FAM163B: variants seen among roughly 807,000 people sequenced by gnomAD.
FAM163B encodes the protein family with sequence similarity 163 member B.
Under a neutral mutation model 7.6 loss-of-function variants are expected in FAM163B, and 4 were observed. The ratio of observed to expected loss-of-function variants is 0.52; its 90% CI spans 0.26 to 1.20. The LOEUF (loss-of-function observed/expected upper bound fraction) is 1.20. FAM163B is among the 50% of genes most tolerant of loss of function. The pLI, the probability that FAM163B is intolerant of heterozygous loss-of-function variation, is 0.14. For synonymous variants in FAM163B, 120 were observed against 111.6 expected, an observed-to-expected ratio of 1.07 and a Z score of -0.47; for missense variants, 250 against 243.0, an observed-to-expected ratio of 1.03 and a Z score of -0.19.
At chr9:133,585,326 C>A (rs1831418663) in intron 1 of FAM163B, among the ~76,000 whole-genome samples, 1 of 152,244 alleles carries the variant, frequency 6.6e-6, no homozygotes, top group African/African-American at 2.4e-5. Context: ...GCAGGAGACC[C>A]CCTGCTAACC....
intron 1 of FAM163B, among the ~76,000 whole-genome samples, chr9:133,607,148 T>G (rs1476796058): frequency 1.3e-5 from 2 of 152,074 alleles, no homozygotes; most frequent in African/African-American, 4.8e-5. Context: ...TCCTACTCCA[T>G]CCGGGGCTTA....
chr9:133,579,461 G>A lies in FAM163B; in HGVS notation c.94-32C>T, dbSNP rs768318905. ...GCAGAGGGACGGTGACCATGCGGCC[G>A]CCCGCTCCCACCCCAGAACCGACAT... On this transcript the variant is annotated intron_variant, in intron 2 of 2. Coordinates refer to ENST00000673969, the MANE Select transcript of FAM163B (RefSeq NM_001080515.3). 5.3e-4 allele frequency: 817 copies of A among 1,535,158 alleles called. 1 individual carries two copies. The highest frequency in any genetic ancestry group is 6.3e-4 in the Non-Finnish European group (720 of 1,140,292).
intron 1 of FAM163B, among the ~76,000 whole-genome samples, chr9:133,581,638 C>T (rs796546918): frequency 3.0e-4 from 46 of 152,322 alleles, no homozygotes; most frequent in African/African-American, 1.1e-3. Context: ...GCCCCGCACC[C>T]CCATGTTGTT....
chr9:133,582,059 G>A (rs1180579180), intron 1 of FAM163B, among the ~76,000 whole-genome samples: 4 of 152,112 alleles, frequency 2.6e-5, no homozygotes, highest in Non-Finnish European at 5.9e-5. Context: ...CCTAGCATGC[G>A]GCCTGCAGAG....
Position 133,578,245 on chromosome 9 carries a change from G to A in FAM163B, c.*777C>T, listed in dbSNP as rs2131204036. On this transcript the variant is annotated 3_prime_UTR_variant, in exon 3 of 3. Transcript: ENST00000673969. The stretch of plus-strand genomic sequence containing the variant: ...TGGCCCTGTTTCTGGCTGAGCACTG[G>A]GTCTATACATTTCCACGTTGCCTCT... Among the ~76,000 whole-genome samples the A allele has an allele frequency of 6.6e-6, 1 of 152,276 alleles. No homozygotes were observed. Among genetic ancestry groups the A allele is most frequent in the South Asian group, 2.1e-4 (1 of 4,826 alleles).
At chr9:133,588,620 T>G (rs1831480711) in intron 1 of FAM163B, among the ~76,000 whole-genome samples, 18 of 152,096 alleles carry the variant, frequency 1.2e-4, no homozygotes, top group South Asian at 2.1e-4. Context: ...TGCTGAAGGA[T>G]CTAGCATGTT....
intron 1 of FAM163B, among the ~76,000 whole-genome samples, chr9:133,591,755 G>A (rs1831556463): frequency 6.6e-6 from 1 of 152,186 alleles, no homozygotes; most frequent in Non-Finnish European, 1.5e-5. Context: ...CCCAAAGCAG[G>A]TCTGGCCCAG....
chr9:133,577,248 G>A lies in FAM163B; in HGVS notation c.*1774C>T, dbSNP rs762487802. Among the ~76,000 whole-genome samples, 115 of 152,314 alleles carry A rather than the reference G, an allele frequency of 7.6e-4. No individual in the cohort carries two copies. Among genetic ancestry groups the A allele is most frequent in the Non-Finnish European group, 1.3e-3 (91 of 68,016 alleles). On this transcript the variant is annotated 3_prime_UTR_variant, in exon 3 of 3. Coordinates refer to ENST00000673969, the MANE Select transcript of FAM163B (RefSeq NM_001080515.3). ...GAGACCAGAAAGGAATTGGGAAATG[G>A]AATCATGAGGGCTGGGCCCTCATCC...
At chr9:133,583,781 T>G (rs952873938) in intron 1 of FAM163B, among the ~76,000 whole-genome samples, 1 of 152,048 alleles carries the variant, frequency 6.6e-6, no homozygotes. Flanking sequence ...GCAGCCACCC[T>G]CCAACACCCA....
At chr9:133,589,626 G>GCACA (rs142297232) in intron 1 of FAM163B, among the ~76,000 whole-genome samples, 990 of 57,792 alleles carry the variant, frequency 0.017, 18 homozygotes, top group East Asian at 0.072. Context: ...GCGACACAGC[G>GCACA]CGCACACACA....
In FAM163B at chr9:133,579,085, G is replaced by T. The variant is rs774632311; in HGVS notation, c.438C>A (p.Pro146=). 4.4e-6 allele frequency: 7 copies of T among 1,593,770 alleles called. No individual in the cohort carries two copies. The African/African-American group carries it at 6.7e-5, about 15-fold the overall frequency. Reference sequence around the variant, plus strand: ...CCTCCCGCATGGCTGAGAGGCGGTTGGGGTTGAGCGCCTGCAGGCCCCCGA... The same window carrying T: ...CCTCCCGCATGGCTGAGAGGCGGTTTGGGTTGAGCGCCTGCAGGCCCCCGA... The part of the protein sequence containing the change: ...GGFGGLQALN[P]NRLSAMREAF... The change falls in exon 3 of 3, where the codon CCC becomes CCA. Residue 146 remains proline, a synonymous_variant. Coordinates refer to ENST00000673969, the MANE Select transcript of FAM163B (RefSeq NM_001080515.3).
intron 1 of FAM163B, among the ~76,000 whole-genome samples, chr9:133,593,991 CA>C (rs1315905554): frequency 2.6e-5 from 4 of 152,240 alleles, no homozygotes; most frequent in African/African-American, 9.6e-5. Context: ...GAGGAGATGA[CA>C]GGGGTGGACC....
chr9:133,587,404 TC>T (rs1290467805), intron 1 of FAM163B, among the ~76,000 whole-genome samples: 1 of 151,930 alleles, frequency 6.6e-6, no homozygotes, highest in African/African-American at 2.4e-5. Context: ...TAGGTGATTG[TC>T]CCCCCCTGGC....
intron 1 of FAM163B, among the ~76,000 whole-genome samples, chr9:133,581,449 T>C (rs1831354438): frequency 6.6e-6 from 1 of 152,140 alleles, no homozygotes; most frequent in African/African-American, 2.4e-5. Context: ...AGCATATCAC[T>C]TTACCCATAA....
At position 133,606,273 on chromosome 9, in the gene FAM163B, C is replaced by G. The variant is rs1389386297; in HGVS notation, c.-24+2804G>C. On this transcript the variant is annotated intron_variant, in intron 1 of 2. Transcript: ENST00000673969. This position sits in a 1 kb window ranked among gnomAD's most constrained non-coding sequence, Gnocchi z 4.0. The stretch of plus-strand genomic sequence containing the variant: ...GGATTCCTTCCCCTCTCCAGCAACC[C>G]CCAGCAAGCGGGGATTGGGCCAAGG... Among the ~76,000 whole-genome samples, 2 of 152,226 alleles carry G rather than the reference C, an allele frequency of 1.3e-5. No individual in the cohort carries two copies. The highest frequency in any genetic ancestry group is 2.9e-5 in the Non-Finnish European group (2 of 68,040).
intron 1 of FAM163B, among the ~76,000 whole-genome samples, chr9:133,587,950 GGCGAACGGGGGC>G (rs1348966920): frequency 2.9e-4 from 44 of 151,174 alleles, no homozygotes; most frequent in African/African-American, 4.1e-4. Context: ...AAAGGTGATG[GGCGAACGGGGGC>G]GCGAACGGGG....
chr9:133,588,836 G>A (rs1364359740), intron 1 of FAM163B, among the ~76,000 whole-genome samples: 1 of 151,380 alleles, frequency 6.6e-6, no homozygotes, highest in Non-Finnish European at 1.5e-5. Flanking sequence ...ATGGTCGTGG[G>A]CGCCAAGTTG....
rs1219005022 is a variant in FAM163B at position 133,609,307 on chromosome 9, G to T, written c.-254C>A. Among the ~76,000 whole-genome samples, 1 of 149,774 alleles carries T rather than the reference G, an allele frequency of 6.7e-6. No homozygotes were observed. The stretch of plus-strand genomic sequence containing the variant: ...GGCACCCCTGCCAGCTCCGCGCTGC[G>T]GCCGCGACTCCGGACGCCCCGGCTG... On this transcript the variant is annotated 5_prime_UTR_variant, in exon 1 of 3. Transcript: ENST00000673969.
chr9:133,584,386 G>GC (rs1258222099), intron 1 of FAM163B, among the ~76,000 whole-genome samples: 2 of 152,184 alleles, frequency 1.3e-5, no homozygotes, highest in East Asian at 3.8e-4. Context: ...TCTGTACAAT[G>GC]GGTGTGGCAG....
Sources: gnomAD v4.1 joint callset for allele counts (sites outside exome capture counted in the v4.1 genomes callset) on GRCh38, gnomAD v4.1.1 for gene constraint, Gnocchi (gnomAD v3.1) non-coding constraint, MANE v1.5 for transcripts, NCBI Gene and HGNC (gene_info 2026-07-23, HGNC 2026-07-21) for gene names.